Variants in ACBD5 observed in about 807,000 individuals in gnomAD.
ACBD5 encodes the protein acyl-CoA-binding domain-containing protein 5.
A neutral mutation model predicts 71.8 loss-of-function variants in ACBD5; 40 were observed. The ratio of observed to expected loss-of-function variants is 0.56; its 90% confidence interval spans 0.43 to 0.72. The LOEUF is 0.72. ACBD5 is among the 30% of genes least tolerant of loss of function. The pLI is 0.00. For synonymous variants in ACBD5, 229 were observed against 218.6 expected (o/e 1.05, Z -0.42); for missense variants, 559 against 644.5 (o/e 0.87, Z 1.44).
At chr10:27,222,332 A>T (rs996715386) in intron 5 of ACBD5, among the ~76,000 whole-genome samples, 1 of 152,054 alleles carries the variant, frequency 6.6e-6, no homozygotes, top group East Asian at 1.9e-4. Context: ...ATACCAACAA[A>T]TCTCCCATTT....
At chr10:27,205,171 A>G (rs755578731) in intron 11 of ACBD5, 27 bp downstream of exon 11, 3 of 1,601,164 alleles carry the variant, frequency 1.9e-6, no homozygotes, top group Non-Finnish European at 1.7e-6. Context: ...AAACCCTGGC[A>G]TTTAAATTTT....
At chr10:27,234,654 G>C (rs1218850692) in intron 3 of ACBD5, among the ~76,000 whole-genome samples, 1 of 152,216 alleles carries the variant, frequency 6.6e-6, no homozygotes, top group Admixed American at 6.5e-5. Flanking sequence ...TGGGAAGGCT[G>C]GGCATGGTGG....
upstream of ACBD5, chr10:27,240,915 G>T: frequency 1.6e-6 from 1 of 633,948 alleles, no homozygotes. This position sits in a 1 kb window ranked among gnomAD's most constrained non-coding sequence, Gnocchi z 4.1. Context: ...GCCGCGGCAA[G>T]GACGCGCGCG....
At chr10:27,228,536 C>A (rs1461259022) in intron 4 of ACBD5, among the ~76,000 whole-genome samples, 1 of 151,240 alleles carries the variant, frequency 6.6e-6, no homozygotes, top group Non-Finnish European at 1.5e-5. Flanking sequence ...AAGATGGCGC[C>A]GTTACACTCT....
At chr10:27,241,024 G>T, upstream of ACBD5, 1 of 508,902 alleles carries the variant, frequency 2.0e-6, no homozygotes, top group Non-Finnish European at 3.5e-6. Context: ...TGTTCAGAAG[G>T]GGGAAACCGA....
At chr10:27,207,381 A>G (rs750549131) in intron 10 of ACBD5, among the ~76,000 whole-genome samples, 3 of 152,144 alleles carry the variant, frequency 2.0e-5, no homozygotes, top group African/African-American at 7.2e-5. Flanking sequence ...TAACTTACTG[A>G]TTAGGTAAAG....
chr10:27,186,663 TGTAC>T (rs1368915743), intron 13 of ACBD5: 1 of 889,466 alleles, frequency 1.1e-6, no homozygotes, highest in Non-Finnish European at 1.9e-6. Context: ...GTGCTTTTAA[TGTAC>T]GTTACAGCTT....
chr10:27,196,917 C>G lies in ACBD5; in HGVS notation c.*513G>C, dbSNP rs1446232555. ...AGCCCACAAAGTGAATATGACCATT[C>G]TTCCTGTGGTTTTCTACTACATGCC... On this transcript the variant is annotated 3_prime_UTR_variant, in exon 13 of 13. Transcript: ENST00000396271. The G allele has an allele frequency of 4.4e-6, 2 of 454,152 alleles. No individual in the cohort carries two copies. Among genetic ancestry groups the G allele is most frequent in the Non-Finnish European group, 4.4e-6 (1 of 226,794 alleles). The allele number at this position is 454,152 out of a possible 1,614,324, so 28.1% of individuals were successfully genotyped here.
chr10:27,197,526 C>T (rs2059479579), intron 12 of ACBD5, 84 bp from the exon 13 acceptor site: 1 of 1,076,362 alleles, frequency 9.3e-7, no homozygotes, highest in Non-Finnish European at 1.4e-6. Flanking sequence ...TAATAACATA[C>T]AAATTCAAAA....
intron 6 of ACBD5, among the ~76,000 whole-genome samples, chr10:27,218,582 TAC>T (rs1246933342): frequency 9.0e-6 from 1 of 111,538 alleles, no homozygotes; most frequent in Non-Finnish European, 2.0e-5. Context: ...AAAACTAAGT[TAC>T]ACAGTTTTTT....
intron 2 of ACBD5, among the ~76,000 whole-genome samples, chr10:27,239,023 C>A (rs11015622): frequency 0.079 from 11,984 of 152,012 alleles, 1,533 homozygotes; most frequent in African/African-American, 0.27. Context: ...CATGGAGAAA[C>A]CCCGTCTCTA....
chr10:27,219,316 C>CAAA (rs144230661), intron 6 of ACBD5, among the ~76,000 whole-genome samples: 3,055 of 149,754 alleles, frequency 0.02, 54 homozygotes, highest in African/African-American at 0.044. Flanking sequence ...CATAAAAAAA[C>CAAA]AAAAAAAAAA....
chr10:27,234,546 T>C (rs186153019), intron 3 of ACBD5, among the ~76,000 whole-genome samples: 190 of 150,418 alleles, frequency 1.3e-3, no homozygotes, highest in Non-Finnish European at 1.0e-3. Flanking sequence ...TAACTGATAA[T>C]GCTTCTTTAT....
rs2059342669 is a variant in ACBD5 at position 27,195,925 on chromosome 10, A to AG, written c.*1504dup. 4.4e-6 allele frequency: 2 copies of AG among 452,794 alleles called. No individual in the cohort carries two copies. Among genetic ancestry groups the AG allele is most frequent in the African/African-American group, 4.0e-5 (2 of 49,950 alleles). 28.0% of individuals were successfully genotyped at this position (452,794 alleles called of 1,614,324 possible). On this transcript the variant is annotated 3_prime_UTR_variant, in exon 13 of 13. Coordinates refer to ENST00000396271, the MANE Select transcript of ACBD5 (RefSeq NM_145698.5). ...GCTTAAAAATTATTTGCTACAGGCC[A>AG]GGTGCAGTGGCTCACGCCTCTAATC...
chr10:27,188,061 CATCCCAA>C (rs1196029070), intron 13 of ACBD5, among the ~76,000 whole-genome samples: 4 of 152,258 alleles, frequency 2.6e-5, no homozygotes, highest in Non-Finnish European at 5.9e-5. Flanking sequence ...TTTCCATTAC[CATCCCAA>C]TCAACAGCCC....
Position 27,240,710 on chromosome 10 carries a change from G to C in ACBD5, c.-22C>G. ...GCATGTCTAGCAGAAGACAGAGGGG[G>C]TCCGGGCATCGGTGGCCGCGGAGCC... On this transcript the variant is annotated 5_prime_UTR_variant, in exon 1 of 13. Coordinates refer to ENST00000396271, the MANE Select transcript of ACBD5 (RefSeq NM_145698.5). This position sits in a 1 kb window ranked among gnomAD's most constrained non-coding sequence, Gnocchi z 4.1. The C allele has an allele frequency of 6.4e-7, 1 of 1,550,470 alleles. No individual in the cohort carries two copies. The highest frequency in any genetic ancestry group is 1.4e-5 in the African/African-American group (1 of 73,098).
chr10:27,189,769 A>T (rs1056258554), intron 13 of ACBD5, among the ~76,000 whole-genome samples: 6 of 145,004 alleles, frequency 4.1e-5, no homozygotes, highest in Non-Finnish European at 7.5e-5. Flanking sequence ...GTATAATAAA[A>T]ATATATATAT....
At chr10:27,209,091 C>T (rs917375207) in intron 9 of ACBD5, among the ~76,000 whole-genome samples, 1 of 148,656 alleles carries the variant, frequency 6.7e-6, no homozygotes, top group Admixed American at 6.8e-5. Flanking sequence ...AATTCAAAGA[C>T]TTTTTTTTTT....
chr10:27,194,053 C>A (rs1285654769), downstream of ACBD5, among the ~76,000 whole-genome samples: 4 of 151,504 alleles, frequency 2.6e-5, no homozygotes, highest in Admixed American at 2.6e-4. Context: ...GAGTTCAAGA[C>A]CAGACTGACC....
Sources: allele counts gnomAD v4.1 joint callset (sites outside exome capture counted in the v4.1 genomes callset), GRCh38; gene constraint gnomAD v4.1.1; non-coding constraint Gnocchi (gnomAD v3.1); transcripts MANE v1.5; gene names NCBI Gene and HGNC (gene_info 2026-07-23, HGNC 2026-07-21).